The following VPS9D1 variants were observed in gnomAD, a reference collection of about 807,000 sequenced individuals.
VPS9D1 encodes the protein VPS9 domain-containing protein 1.
A neutral mutation model predicts 75.8 loss-of-function variants in VPS9D1; 78 were observed. That is an observed-to-expected ratio of 1.03 (90% CI 0.86 to 1.24). The LOEUF (loss-of-function observed/expected upper bound fraction) is 1.24, where lower values mean the gene tolerates loss of function less well. Ranked by LOEUF, VPS9D1 falls within the 50% of genes most tolerant of loss-of-function variation. The probability of loss-of-function intolerance (pLI) is 0.00; values close to 1 mark genes in which losing one functional copy is unlikely to be tolerated. For missense variants in VPS9D1, 1,057 were observed against 847.7 expected (o/e 1.25, Z -3.07); for synonymous variants, 481 against 385.6 (o/e 1.25, Z -2.90).
Position 89,709,759 on chromosome 16 carries a change from G to A in VPS9D1, c.1388+18C>T, listed in dbSNP as rs1183623565. ...AAGACACTAGGCCACGCAGGTGGTTGTACAGCTGGGTCCATACCTGTACAG... is the reference window on the plus strand; with the variant it reads ...AAGACACTAGGCCACGCAGGTGGTTATACAGCTGGGTCCATACCTGTACAG... On this transcript the variant is annotated intron_variant, in intron 11 of 14. Coordinates refer to ENST00000389386, the MANE Select transcript of VPS9D1 (RefSeq NM_004913.3). 1.9e-6 allele frequency: 3 copies of A among 1,613,248 alleles called. No individual in the cohort carries two copies. The East Asian group carries it at 6.7e-5, about 36-fold the overall frequency.
intron 2 of VPS9D1, among the ~76,000 whole-genome samples, chr16:89,718,806 C>T (rs1289972916): frequency 2.0e-5 from 3 of 151,824 alleles, no homozygotes; most frequent in East Asian, 1.9e-4. Context: ...CCTCTGCTCC[C>T]GGGTTCAAGC....
intron 14 of VPS9D1, 76 bp downstream of exon 14, chr16:89,708,351 C>T (rs1007775501): frequency 7.1e-6 from 10 of 1,416,012 alleles, no homozygotes; most frequent in Middle Eastern, 1.8e-4. Flanking sequence ...CTGCTACTGA[C>T]AACCACCGTT....
chr16:89,718,160 A>G, intron 2 of VPS9D1: 1 of 425,580 alleles, frequency 2.3e-6, no homozygotes, highest in East Asian at 7.1e-5. Context: ...TCATTGCGGA[A>G]CTTGCTATTC....
intron 2 of VPS9D1, chr16:89,717,423 C>T: frequency 2.5e-6 from 1 of 392,602 alleles, no homozygotes; most frequent in South Asian, 1.8e-5. Context: ...GGCTGTGTCC[C>T]CAAAGTCCTG....
At chr16:89,710,454 C>T (rs1011566032) in intron 10 of VPS9D1, 132 bp downstream of exon 10, 78 of 982,072 alleles carry the variant, frequency 7.9e-5, no homozygotes, top group Non-Finnish European at 3.8e-5. Context: ...AGGGCTGAGG[C>T]GTGAGCTGGG....
chr16:89,720,637 C>G (rs1011007489), intron 1 of VPS9D1, 126 bp downstream of exon 1: 5 of 1,226,666 alleles, frequency 4.1e-6, no homozygotes, highest in Non-Finnish European at 5.1e-6. Context: ...AACCGCGGCC[C>G]GGGATCCCGG....
chr16:89,707,386 C>T lies in VPS9D1; in HGVS notation c.*475G>A, dbSNP rs554240402. The T allele has an allele frequency of 6.5e-6, 1 of 155,004 alleles. No individual in the cohort carries two copies. Among genetic ancestry groups the T allele is most frequent in the Admixed American group, 6.4e-5 (1 of 15,568 alleles). 9.6% of individuals were successfully genotyped at this position (155,004 alleles called of 1,614,324 possible). A position where few individuals can be genotyped will look rare whatever the true frequency, so the allele number is the denominator to read the frequency against. Reference sequence around the variant, plus strand: ...CCCAGGCCCCAGCCGGCCCTTGTTCCTGACCCAGACAAGAAACTAGTTCAT... The same window carrying T: ...CCCAGGCCCCAGCCGGCCCTTGTTCTTGACCCAGACAAGAAACTAGTTCAT... On this transcript the variant is annotated 3_prime_UTR_variant, in exon 15 of 15. Coordinates refer to ENST00000389386, the MANE Select transcript of VPS9D1 (RefSeq NM_004913.3).
At chr16:89,712,214 T>C in intron 6 of VPS9D1, 115 bp from the exon 7 acceptor site, 1 of 1,464,084 alleles carries the variant, frequency 6.8e-7, no homozygotes, top group Non-Finnish European at 9.3e-7. Context: ...GGTGAGGGGC[T>C]GTCCCCAGGT....
Position 89,720,843 on chromosome 16 carries a change from C to A in VPS9D1, c.19G>T (p.Asp7Tyr). Residue 7 changes from aspartate to tyrosine, a missense_variant, in exon 1 of 15, where the codon GAC becomes TAC. Coordinates refer to ENST00000389386, the MANE Select transcript of VPS9D1 (RefSeq NM_004913.3). MAAAAG[D>Y]GTVKPLQSAM... ...CTCTGCAGCGGCTTCACCGTGCCGTCCCCGGCCGCAGCGGCCATGGCGCCG... is the reference window on the plus strand; with the variant it reads ...CTCTGCAGCGGCTTCACCGTGCCGTACCCGGCCGCAGCGGCCATGGCGCCG... 7.0e-7 allele frequency: 1 copy of A among 1,425,558 alleles called. No individual in the cohort carries two copies. The highest frequency in any genetic ancestry group is 9.2e-7 in the Non-Finnish European group (1 of 1,083,586). The allele number at this position is 1,425,558 out of a possible 1,614,324, so 88.3% of individuals were successfully genotyped here. A position where few individuals can be genotyped will look rare whatever the true frequency, so the allele number is the denominator to read the frequency against.
At position 89,716,810 on chromosome 16, in the gene VPS9D1, G is replaced by A; in HGVS notation, c.188C>T (p.Thr63Ile). ...CATCTTGGAGGTGTCGGGGGGCACA[G>A]TTTCCCCAGCTTCTGGGGGAGGGAC... Reference protein sequence around the residue: ...EVETTKEAGETVPPDTSKMLK... With the variant: ...EVETTKEAGEIVPPDTSKMLK... The change falls in exon 3 of 15, where the codon ACT becomes ATT. Residue 63 changes from threonine (T) to isoleucine (I), a missense_variant. Thr to Ile is a moderately conservative substitution (Grantham distance 89, BLOSUM62 -1). Coordinates refer to ENST00000389386, the MANE Select transcript of VPS9D1 (RefSeq NM_004913.3). 6.3e-7 allele frequency: 1 copy of A among 1,592,362 alleles called. No homozygotes were observed. Among genetic ancestry groups the A allele is most frequent in the Non-Finnish European group, 8.5e-7 (1 of 1,174,064 alleles).
intron 3 of VPS9D1, 31 bp downstream of exon 3, chr16:89,716,699 C>T (rs372160112): frequency 6.3e-7 from 1 of 1,592,706 alleles, no homozygotes; most frequent in African/African-American, 1.3e-5. Context: ...GGGGGATGCC[C>T]CAGGAGAGCC....
intron 2 of VPS9D1, 35 bp downstream of exon 2, chr16:89,718,992 G>T (rs967574450): frequency 2.5e-6 from 4 of 1,592,766 alleles, no homozygotes; most frequent in Non-Finnish European, 3.4e-6. Context: ...GGGATTACAG[G>T]CGTGAGCCAC....
chr16:89,711,472 C>T (rs2060918715), intron 8 of VPS9D1, 60 bp from the exon 9 acceptor site: 1 of 1,483,642 alleles, frequency 6.7e-7, no homozygotes, highest in Non-Finnish European at 9.1e-7. Context: ...GGACGCGCCT[C>T]ATCTCCCACC....
Position 89,712,719 on chromosome 16 carries a change from G to A in VPS9D1, c.432-3C>T. On this transcript the variant is annotated splice_region_variant and splice_polypyrimidine_tract_variant and intron_variant, in intron 4 of 14. Coordinates refer to ENST00000389386, the MANE Select transcript of VPS9D1 (RefSeq NM_004913.3). ...CCTCCTCCAGTGGCGTCAGCTCTCTGGAAATGTGACAAGCTGCTGTCTAGA... is the reference window on the plus strand; with the variant it reads ...CCTCCTCCAGTGGCGTCAGCTCTCTAGAAATGTGACAAGCTGCTGTCTAGA... The A allele has an allele frequency of 6.3e-7, 1 of 1,586,084 alleles. No individual in the cohort carries two copies. The highest frequency in any genetic ancestry group is 8.6e-7 in the Non-Finnish European group (1 of 1,166,986).
intron 9 of VPS9D1, 72 bp downstream of exon 9, chr16:89,711,255 G>A (rs577128585): frequency 1.3e-5 from 20 of 1,487,598 alleles, no homozygotes; most frequent in African/African-American, 1.1e-4. Flanking sequence ...GCCCCTCTCC[G>A]GCACCTGGCA....
At chr16:89,708,707 C>G in intron 13 of VPS9D1, 150 bp downstream of exon 13, 1 of 1,090,914 alleles carries the variant, frequency 9.2e-7, no homozygotes, top group Non-Finnish European at 1.3e-6. Context: ...TCCCGTACTG[C>G]GGAGCCAGGG....
At chr16:89,708,728 ACGG>A in intron 13 of VPS9D1, 126 bp downstream of exon 13, 1 of 1,161,442 alleles carries the variant, frequency 8.6e-7, no homozygotes, top group African/African-American at 1.6e-5. Flanking sequence ...CTGGGCCCAC[ACGG>A]CCCTCCTGCT....
Position 89,710,910 on chromosome 16 carries a change from C to T in VPS9D1, c.934G>A (p.Gly312Ser), listed in dbSNP as rs753821577. ...AVSRAAAPAPGCCPPTPNPGS... is the reference protein window; with the variant it reads ...AVSRAAAPAPSCCPPTPNPGS... ...GGGTTGGGGGTCGGGGGGCAGCAGC[C>T]TGGGGCTGGCGCGGCTGCTCTGCTC... The change falls in exon 10 of 15, where the codon GGC (glycine) becomes AGC (serine). Residue 312 changes from glycine (G) to serine (S), a missense_variant. Transcript: ENST00000389386. The T allele has an allele frequency of 6.7e-7, 1 of 1,491,898 alleles. No homozygotes were observed. Among genetic ancestry groups the T allele is most frequent in the Non-Finnish European group, 8.9e-7 (1 of 1,125,704 alleles). 92.4% of individuals were successfully genotyped at this position (1,491,898 alleles called of 1,614,324 possible).
In VPS9D1 at chr16:89,712,731, AGCTGC is replaced by A; in HGVS notation, c.432-20_432-16del. The A allele has an allele frequency of 6.4e-7, 1 of 1,571,448 alleles. No individual in the cohort carries two copies. The highest frequency in any genetic ancestry group is 8.6e-7 in the Non-Finnish European group (1 of 1,158,458). On this transcript the variant is annotated splice_polypyrimidine_tract_variant and intron_variant, in intron 4 of 14. Coordinates refer to ENST00000389386, the MANE Select transcript of VPS9D1 (RefSeq NM_004913.3). The stretch of plus-strand genomic sequence containing the variant: ...GCGTCAGCTCTCTGGAAATGTGACA[AGCTGC>A]TGTCTAGACCCCAGGAAGCCCAGTG...
Sources: allele counts gnomAD v4.1 joint callset (sites outside exome capture counted in the v4.1 genomes callset), GRCh38; gene constraint gnomAD v4.1.1; transcripts MANE v1.5; gene names NCBI Gene and HGNC (gene_info 2026-07-23, HGNC 2026-07-21).